SPIDR: variants seen among roughly 807,000 people sequenced by gnomAD.
SPIDR encodes DNA repair-scaffolding protein.
SPIDR carries 93 observed loss-of-function variants against 104.6 expected under a neutral mutation model. The observed-to-expected ratio is 0.89, with a 90% confidence interval of 0.75 to 1.06. SPIDR has a LOEUF of 1.06. Among genes scored for constraint, SPIDR ranks in the 50% least tolerant of loss-of-function variants. The probability of loss-of-function intolerance (pLI) is 0.00; values close to 1 mark genes in which losing one functional copy is unlikely to be tolerated. For synonymous variants in SPIDR, 431 were observed against 416.9 expected, an observed-to-expected ratio of 1.03 and a Z score of -0.41; for missense variants, 1,154 against 1,111.2, an observed-to-expected ratio of 1.04 and a Z score of -0.55.
At chr8:47,607,022 G>C (rs577425724) in intron 10 of SPIDR, among the ~76,000 whole-genome samples, 1 of 152,312 alleles carries the variant, frequency 6.6e-6, no homozygotes, top group African/African-American at 2.4e-5. Flanking sequence ...CATACTGCCA[G>C]AGCTGGCAGA....
chr8:47,646,864 G>C (rs1301565381), intron 10 of SPIDR, among the ~76,000 whole-genome samples: 1 of 152,096 alleles, frequency 6.6e-6, no homozygotes, highest in African/African-American at 2.4e-5. Context: ...TTTATATATA[G>C]TTATTTATCT....
At chr8:47,659,661 G>A (rs950650560) in intron 10 of SPIDR, 2 of 864,764 alleles carry the variant, frequency 2.3e-6, no homozygotes, top group East Asian at 1.9e-4. Context: ...TCTCGCCCCC[G>A]CCTTTTCTCA....
At chr8:47,390,653 ACAT>A (rs2154306736) in intron 5 of SPIDR, among the ~76,000 whole-genome samples, 1 of 151,742 alleles carries the variant, frequency 6.6e-6, no homozygotes, top group South Asian at 2.1e-4. Flanking sequence ...GGTGATGGGT[ACAT>A]CTACTTGTTA....
intron 5 of SPIDR, among the ~76,000 whole-genome samples, chr8:47,341,893 T>C (rs182054809): frequency 6.6e-6 from 1 of 152,136 alleles, no homozygotes; most frequent in African/African-American, 2.4e-5. Flanking sequence ...AATCTTCCCC[T>C]CTGCAGTCCC....
chr8:47,378,138 T>C (rs1238464656), intron 5 of SPIDR, among the ~76,000 whole-genome samples: 1 of 152,238 alleles, frequency 6.6e-6, no homozygotes, highest in Non-Finnish European at 1.5e-5. Context: ...TTTCTAGTTT[T>C]TCTTAGGGAC....
intron 10 of SPIDR, among the ~76,000 whole-genome samples, chr8:47,636,216 G>A (rs557176284): frequency 4.6e-5 from 7 of 152,222 alleles, no homozygotes; most frequent in African/African-American, 1.4e-4. Context: ...TGTTGGTATT[G>A]TAATTGTTTC....
intron 8 of SPIDR, among the ~76,000 whole-genome samples, chr8:47,462,110 C>T (rs1171245320): frequency 1.3e-5 from 2 of 152,082 alleles, no homozygotes; most frequent in Admixed American, 6.6e-5. Flanking sequence ...AGGATGTTCC[C>T]TTGATGTAGT....
At chr8:47,671,996 T>C (rs1176262027) in intron 10 of SPIDR, among the ~76,000 whole-genome samples, 1 of 152,116 alleles carries the variant, frequency 6.6e-6, no homozygotes, top group Non-Finnish European at 1.5e-5. Flanking sequence ...CTTGCTCTGT[T>C]GCCCAGGCTG....
At chr8:47,566,150 G>T (rs1198369924) in intron 8 of SPIDR, among the ~76,000 whole-genome samples, 1 of 150,700 alleles carries the variant, frequency 6.6e-6, no homozygotes, top group Non-Finnish European at 1.5e-5. Flanking sequence ...GGGACTACAG[G>T]CATGAGCCAC....
intron 10 of SPIDR, among the ~76,000 whole-genome samples, chr8:47,618,058 G>A (rs1263812892): frequency 6.6e-6 from 1 of 152,198 alleles, no homozygotes; most frequent in African/African-American, 2.4e-5. Context: ...TAAGTGCACT[G>A]CAGAGGTTTA....
intron 10 of SPIDR, among the ~76,000 whole-genome samples, chr8:47,632,523 T>C (rs1280293774): frequency 1.3e-5 from 2 of 152,224 alleles, no homozygotes; most frequent in Non-Finnish European, 2.9e-5. Flanking sequence ...TTATTTTACA[T>C]ATTATCTTCT....
At chr8:47,673,989 T>C in intron 11 of SPIDR, 48 bp downstream of exon 11, 1 of 1,586,630 alleles carries the variant, frequency 6.3e-7, no homozygotes, top group Non-Finnish European at 8.6e-7. Context: ...TTGTTGGTTC[T>C]TTTTCTTAGT....
At chr8:47,339,000 A>G (rs1207966126) in intron 5 of SPIDR, among the ~76,000 whole-genome samples, 2 of 152,252 alleles carry the variant, frequency 1.3e-5, no homozygotes, top group Non-Finnish European at 2.9e-5. Context: ...TAGTTTAGAT[A>G]AAAGTACTAC....
intron 8 of SPIDR, among the ~76,000 whole-genome samples, chr8:47,522,950 A>ATG (rs1327868401): frequency 1.3e-5 from 2 of 151,112 alleles, no homozygotes; most frequent in Non-Finnish European, 3.0e-5. Flanking sequence ...TTTTTGTTGT[A>ATG]TGTGTGTGTG....
intron 5 of SPIDR, among the ~76,000 whole-genome samples, chr8:47,297,706 T>C (rs1178286058): frequency 2.0e-5 from 3 of 152,056 alleles, no homozygotes; most frequent in African/African-American, 7.2e-5. Flanking sequence ...GAACATGCGC[T>C]GTTTGGTTTT....
chr8:47,465,551 G>A (rs1163048400), intron 8 of SPIDR, among the ~76,000 whole-genome samples: 4 of 152,246 alleles, frequency 2.6e-5, no homozygotes, highest in Non-Finnish European at 2.9e-5. Flanking sequence ...TGGCCAACAT[G>A]GTGAAACCCC....
chr8:47,372,912 C>T (rs1554639862), intron 5 of SPIDR, among the ~76,000 whole-genome samples: 1 of 152,142 alleles, frequency 6.6e-6, no homozygotes, highest in African/African-American at 2.4e-5. Context: ...AACCAGGTTA[C>T]ACCCCTAACA....
chr8:47,412,524 C>T (rs1324725231), intron 7 of SPIDR, among the ~76,000 whole-genome samples: 1 of 152,156 alleles, frequency 6.6e-6, no homozygotes, highest in Non-Finnish European at 1.5e-5. Flanking sequence ...AAATGACTTT[C>T]ATTGGTCTGG....
chr8:47,567,650 G>A (rs1414136871), intron 8 of SPIDR, among the ~76,000 whole-genome samples: 1 of 152,164 alleles, frequency 6.6e-6, no homozygotes, highest in Admixed American at 6.6e-5. Context: ...GGTTAGTATG[G>A]TAGGAAGGGG....
Sources: gnomAD v4.1 joint callset for allele counts (sites outside exome capture counted in the v4.1 genomes callset) on GRCh38, gnomAD v4.1.1 for gene constraint, MANE v1.5 for transcripts, NCBI Gene and HGNC (gene_info 2026-07-23, HGNC 2026-07-21) for gene names.